SYNJ2: variants seen among roughly 807,000 people sequenced by gnomAD.
SYNJ2 encodes synaptojanin 2.
A neutral mutation model predicts 141.3 loss-of-function variants in SYNJ2; 116 were observed. The ratio of observed to expected loss-of-function variants is 0.82; its 90% CI spans 0.71 to 0.96. SYNJ2 has a LOEUF of 0.96. Among genes scored for constraint, SYNJ2 ranks in the 40% least tolerant of loss-of-function variants. The pLI, the probability that SYNJ2 is intolerant of heterozygous loss-of-function variation, is 0.00. For synonymous variants in SYNJ2, 745 were observed against 777.7 expected (o/e 0.96, Z 0.70); for missense variants, 1,873 against 1,934.8 (o/e 0.97, Z 0.60).
chr6:158,063,830 C>T lies in SYNJ2; in HGVS notation c.1167C>T (p.Cys389=), dbSNP rs371436809. The T allele has an allele frequency of 1.4e-4, 226 of 1,613,674 alleles. 1 individual carries two copies. The highest frequency in any genetic ancestry group is 1.8e-4 in the Non-Finnish European group (214 of 1,179,890). Residue 389 remains cysteine, a synonymous_variant, in exon 9 of 27, where the codon TGC becomes TGT. Transcript: ENST00000355585. The part of the protein sequence containing the change: ...KGTLRMNCLD[C]LDRTNTVQSF... Reference sequence around the variant, plus strand: ...CTTTGCGGATGAACTGTCTTGACTGCCTGGACCGAACCAACACTGTGCAGA... The same window carrying T: ...CTTTGCGGATGAACTGTCTTGACTGTCTGGACCGAACCAACACTGTGCAGA...
intron 1 of SYNJ2, among the ~76,000 whole-genome samples, chr6:157,998,835 C>T (rs537567609): frequency 1.5e-4 from 23 of 152,254 alleles, no homozygotes; most frequent in African/African-American, 5.1e-4. Flanking sequence ...GAATCTTCAC[C>T]CGGTGAACAC....
intron 26 of SYNJ2, among the ~76,000 whole-genome samples, chr6:158,095,212 A>G (rs1783728962): frequency 6.6e-6 from 1 of 152,280 alleles, no homozygotes; most frequent in Non-Finnish European, 1.5e-5. Context: ...CTTATGTTGT[A>G]ACACAAGTTA....
intron 16 of SYNJ2, among the ~76,000 whole-genome samples, chr6:158,075,935 G>A (rs1230941132): frequency 8.5e-6 from 1 of 117,952 alleles, no homozygotes; most frequent in South Asian, 2.9e-4. Flanking sequence ...AAAGAAGGAT[G>A]TGCATGGGGG....
rs954406312 is a variant in SYNJ2 at position 158,017,394 on chromosome 6, C to G, written c.214+104C>G. On this transcript the variant is annotated intron_variant, in intron 2 of 26. Transcript: ENST00000355585. ...GCAGGCATTCTGTTTGACCGCTCTT[C>G]TCTCTCTCTTCTTTTTTTTTTTTTT... 6.3e-4 allele frequency: 644 copies of G among 1,024,956 alleles called. 1 individual carries two copies. Among genetic ancestry groups the G allele is most frequent in the Non-Finnish European group, 7.9e-4 (592 of 749,742 alleles). The allele number at this position is 1,024,956 out of a possible 1,614,324, so 63.5% of individuals were successfully genotyped here.
At chr6:158,048,102 G>A (rs368783043) in intron 5 of SYNJ2, among the ~76,000 whole-genome samples, 3 of 152,170 alleles carry the variant, frequency 2.0e-5, no homozygotes, top group African/African-American at 4.8e-5. Context: ...TTCACTGAGC[G>A]TCTGCCAGGT....
At chr6:158,005,317 T>C (rs1177421003) in intron 1 of SYNJ2, among the ~76,000 whole-genome samples, 2 of 152,152 alleles carry the variant, frequency 1.3e-5, no homozygotes, top group Non-Finnish European at 2.9e-5. Flanking sequence ...GACCTCGTGA[T>C]CCACCCACCT....
At chr6:157,988,535 C>T (rs1244549105) in intron 1 of SYNJ2, among the ~76,000 whole-genome samples, 1 of 152,166 alleles carries the variant, frequency 6.6e-6, no homozygotes, top group African/African-American at 2.4e-5. Context: ...TGTCCCAGCC[C>T]GTGTCTCTCT....
At chr6:158,051,391 G>C (rs568388886) in intron 5 of SYNJ2, among the ~76,000 whole-genome samples, 19 of 152,016 alleles carry the variant, frequency 1.2e-4, no homozygotes, top group Non-Finnish European at 2.4e-4. Flanking sequence ...GTGCAGGATG[G>C]AGCAGGCCTC....
In SYNJ2 at chr6:158,033,665, C is replaced by T. The variant is rs778933903; in HGVS notation, c.696C>T (p.Phe232=). The T allele has an allele frequency of 1.9e-6, 3 of 1,609,952 alleles. No homozygotes were observed. The highest frequency in any genetic ancestry group is 2.5e-6 in the Non-Finnish European group (3 of 1,179,304). ...GVNDDGHVSN[F]VETEQMIYMD... ...ACGACGACGGCCATGTGTCCAACTT[C>T]GTGGAGACAGAGCAGGTGAGTGCCC... Residue 232 remains phenylalanine (F), a synonymous_variant, in exon 4 of 27, where the codon TTC becomes TTT. Transcript: ENST00000355585.
At chr6:158,076,944 G>A (rs1782336699) in intron 17 of SYNJ2, among the ~76,000 whole-genome samples, 162 bp downstream of exon 17, 2 of 151,818 alleles carry the variant, frequency 1.3e-5, no homozygotes, top group Non-Finnish European at 2.9e-5. Flanking sequence ...CTAAGCTTTG[G>A]AAGTTGTGCT....
chr6:158,054,259 A>G (rs1288877508), intron 5 of SYNJ2, among the ~76,000 whole-genome samples: 3 of 151,658 alleles, frequency 2.0e-5, no homozygotes, highest in East Asian at 1.9e-4. Flanking sequence ...CCATCCATCC[A>G]CCCACCTACC....
rs557158959 is a variant in SYNJ2, at chr6:158,071,238, C to T, written c.1941-364C>T. Reference sequence around the variant, plus strand: ...GATTGCCCAGATGACACCTCCCATGCATGGCGTGATGGCTGCACAGGAGTG... The same window carrying T: ...GATTGCCCAGATGACACCTCCCATGTATGGCGTGATGGCTGCACAGGAGTG... On this transcript the variant is annotated intron_variant, in intron 14 of 26. Transcript: ENST00000355585. The surrounding 1 kb of genome is among the most constrained non-coding windows in gnomAD (Gnocchi z 4.3). Among the ~76,000 whole-genome samples the T allele has an allele frequency of 6.6e-6, 1 of 152,262 alleles. No homozygotes were observed. The highest frequency in any genetic ancestry group is 1.9e-4 in the East Asian group (1 of 5,178).
At chr6:158,076,113 C>T (rs1782268345) in intron 16 of SYNJ2, among the ~76,000 whole-genome samples, 1 of 152,154 alleles carries the variant, frequency 6.6e-6, no homozygotes, top group Non-Finnish European at 1.5e-5. Flanking sequence ...ACATGAGCCC[C>T]AGAGGTTGAA....
At chr6:158,092,533 G>C (rs572396288) in intron 25 of SYNJ2, among the ~76,000 whole-genome samples, 29 of 152,258 alleles carry the variant, frequency 1.9e-4, no homozygotes, top group African/African-American at 6.0e-4. Flanking sequence ...CCAGCTACTT[G>C]GGAGGCTGAG....
intron 12 of SYNJ2, chr6:158,067,329 T>C: frequency 1.4e-6 from 1 of 700,850 alleles, no homozygotes; most frequent in African/African-American, 1.9e-5. Context: ...CTGCCTTCAG[T>C]GTTGATATTG....
chr6:158,062,365 C>T (rs1473754529), intron 8 of SYNJ2: 4 of 465,354 alleles, frequency 8.6e-6, no homozygotes, highest in African/African-American at 4.2e-5. Context: ...AGCTTGGCGA[C>T]GCCGGGAATC....
intron 2 of SYNJ2, chr6:158,017,704 C>T (rs751517021): frequency 8.7e-5 from 45 of 518,330 alleles, no homozygotes; most frequent in Non-Finnish European, 9.5e-5. Flanking sequence ...CATGAGCCGC[C>T]GTGCCTGGCC....
intron 1 of SYNJ2, among the ~76,000 whole-genome samples, chr6:158,003,584 T>C (rs557266602): frequency 3.2e-4 from 49 of 152,250 alleles, no homozygotes; most frequent in Non-Finnish European, 6.6e-4. Flanking sequence ...TCGGGCTGTC[T>C]GCATTGTTAA....
intron 5 of SYNJ2, among the ~76,000 whole-genome samples, chr6:158,051,338 T>C (rs1351093543): frequency 1.3e-5 from 2 of 151,874 alleles, no homozygotes; most frequent in South Asian, 2.1e-4. Context: ...TGACCTCTCA[T>C]AGGGTGGCTG....
Sources: gnomAD v4.1 joint callset for allele counts (sites outside exome capture counted in the v4.1 genomes callset) on GRCh38, gnomAD v4.1.1 for gene constraint, Gnocchi (gnomAD v3.1) non-coding constraint, MANE v1.5 for transcripts, NCBI Gene and HGNC (gene_info 2026-07-23, HGNC 2026-07-21) for gene names.